CAPN11: variants seen among roughly 807,000 people sequenced by gnomAD.
The protein encoded by CAPN11 is calpain 11, also known as calpain-11.
In CAPN11, 108 loss-of-function variants were observed where a neutral mutation model predicts 105.3. The ratio of observed to expected loss-of-function variants is 1.03; its 90% CI spans 0.88 to 1.20. The LOEUF (loss-of-function observed/expected upper bound fraction) is 1.20, where lower values mean the gene tolerates loss of function less well. CAPN11 is among the 50% of genes most tolerant of loss of function. CAPN11 has a pLI of 0.00. For synonymous variants in CAPN11, 329 were observed against 344.5 expected, an observed-to-expected ratio of 0.96 and a Z score of 0.50; for missense variants, 883 against 924.8, an observed-to-expected ratio of 0.95 and a Z score of 0.59.
intron 2 of CAPN11, among the ~76,000 whole-genome samples, chr6:44,167,126 A>C (rs1770047854): frequency 6.6e-6 from 1 of 151,982 alleles, no homozygotes; most frequent in African/African-American, 2.4e-5. Flanking sequence ...CTCAGCCATT[A>C]TCTGACCCGG....
rs1371308307 is a variant in CAPN11, at chr6:44,180,577, TC to T, written c.1681-18del. 11 of 1,613,812 alleles carry T rather than the reference TC, an allele frequency of 6.8e-6. No homozygotes were observed. The East Asian group carries it at 1.6e-4, about 23-fold the overall frequency. Reference sequence around the variant, plus strand: ...AAGAAGTTTTCTGACCAGGTCCCTTTCCTGCTCCCCGGCCCCCAGGAAAAGG... The same window carrying T: ...AAGAAGTTTTCTGACCAGGTCCCTTTCTGCTCCCCGGCCCCCAGGAAAAGG... On this transcript the variant is annotated intron_variant, in intron 15 of 22. Transcript: ENST00000398776.
chr6:44,164,884 A>T (rs1769537320), intron 1 of CAPN11, among the ~76,000 whole-genome samples: 2 of 151,664 alleles, frequency 1.3e-5, no homozygotes, highest in East Asian at 3.9e-4. Context: ...GTTATGTTTT[A>T]TTTATTTATT....
chr6:44,173,317 C>A lies in CAPN11; in HGVS notation c.762C>A (p.Pro254=). The stretch of plus-strand genomic sequence containing the variant: ...CCCAGAGCTTCCAACTCCAGAGGCC[C>A]CCTCAGAACCTGCTCAGGCTCCTTA... ...GVAQSFQLQR[P]PQNLLRLLRK... is the part of the protein sequence containing the mutation. Residue 254 remains proline (P), a synonymous_variant, in exon 7 of 23, where the codon CCC becomes CCA. Transcript: ENST00000398776. 3 of 1,613,904 alleles carry A rather than the reference C, an allele frequency of 1.9e-6. No individual in the cohort carries two copies.
intron 1 of CAPN11, among the ~76,000 whole-genome samples, chr6:44,161,520 A>G (rs1234812361): frequency 1.3e-5 from 2 of 152,186 alleles, no homozygotes; most frequent in African/African-American, 2.4e-5. Context: ...TTCCATGACA[A>G]CTGTGGTGGT....
Position 44,180,104 on chromosome 6 carries a change from G to A in CAPN11, c.1581G>A (p.Glu527=), listed in dbSNP as rs775340460. 6.2e-7 allele frequency: 1 copy of A among 1,613,632 alleles called. No individual in the cohort carries two copies. The highest frequency in any genetic ancestry group is 1.7e-4 in the Middle Eastern group (1 of 6,030). The part of the protein sequence containing the change: ...GEYIIIPSTF[E]PHRDADFLLR... ...ATATCATTATTCCCTCCACCTTTGA[G>A]CCACACAGAGATGCTGACTTCCTGC... Residue 527 remains glutamate, a synonymous_variant, in exon 14 of 23, where the codon GAG becomes GAA. Transcript: ENST00000398776.
chr6:44,176,718 C>A, intron 10 of CAPN11, 63 bp downstream of exon 10: 2 of 1,560,346 alleles, frequency 1.3e-6, no homozygotes, highest in East Asian at 2.2e-5. Context: ...CATCTCCCTG[C>A]TCCGCTCCTC....
In CAPN11 at chr6:44,177,056, C is replaced by T. The variant is rs1003557857; in HGVS notation, c.1237+58C>T. The T allele has an allele frequency of 1.8e-4, 283 of 1,574,856 alleles. 3 individuals carry two copies. The South Asian group carries it at 2.8e-3, about 16-fold the overall frequency. On this transcript the variant is annotated intron_variant, in intron 11 of 22. Transcript: ENST00000398776. ...AGGGAGTGAAGGATGGGCCACGGCT[C>T]ACCACGAAACCAGACCTGGGGCACG...
In CAPN11 at chr6:44,169,260, CTCT is replaced by C; in HGVS notation, c.89-19_89-17del. 6.3e-7 allele frequency: 1 copy of C among 1,588,746 alleles called. No individual in the cohort carries two copies. Among genetic ancestry groups the C allele is most frequent in the Non-Finnish European group, 8.6e-7 (1 of 1,168,188 alleles). On this transcript the variant is annotated intron_variant, in intron 2 of 22. Coordinates refer to ENST00000398776, the MANE Select transcript of CAPN11 (RefSeq NM_007058.4). The stretch of plus-strand genomic sequence containing the variant: ...ATTACATTTTTTACTTGCGTTATTT[CTCT>C]TTTTTTTTCTTAAGCAGAGCCCACT...
At chr6:44,167,431 G>A (rs988393377) in intron 2 of CAPN11, among the ~76,000 whole-genome samples, 1 of 141,770 alleles carries the variant, frequency 7.1e-6, no homozygotes, top group Admixed American at 7.2e-5. Flanking sequence ...CTGGGAGGCA[G>A]AGGTTGCAGT....
chr6:44,168,710 C>T (rs910189035), intron 2 of CAPN11, among the ~76,000 whole-genome samples: 8 of 152,194 alleles, frequency 5.3e-5, no homozygotes, highest in Non-Finnish European at 1.2e-4. Flanking sequence ...ACCTCCGCCT[C>T]CTGGGTTCAA....
chr6:44,181,394 G>A, intron 19 of CAPN11, 74 bp downstream of exon 19: 1 of 1,181,376 alleles, frequency 8.5e-7, no homozygotes, highest in South Asian at 1.3e-5. Flanking sequence ...CTAATGAGGG[G>A]AAGCTAGAAC....
chr6:44,180,450 T>A lies in CAPN11; in HGVS notation c.1641-10T>A, dbSNP rs763185544. On this transcript the variant is annotated splice_polypyrimidine_tract_variant and intron_variant, in intron 14 of 22. Coordinates refer to ENST00000398776, the MANE Select transcript of CAPN11 (RefSeq NM_007058.4). ...CTGGTAACTCTTGAGCTTTCAATCATTTTGCCCAGGGAATTGGATGAAGTC... is the reference window on the plus strand; with the variant it reads ...CTGGTAACTCTTGAGCTTTCAATCAATTTGCCCAGGGAATTGGATGAAGTC... The A allele has an allele frequency of 5.0e-6, 8 of 1,611,230 alleles. No homozygotes were observed. Among genetic ancestry groups the A allele is most frequent in the Non-Finnish European group, 6.8e-6 (8 of 1,178,340 alleles).
intron 12 of CAPN11, 64 bp from the exon 13 acceptor site, chr6:44,179,555 T>C: frequency 6.8e-7 from 1 of 1,481,310 alleles, no homozygotes; most frequent in South Asian, 1.1e-5. Flanking sequence ...CCCACTTGGC[T>C]TCTGAAGGCC....
In CAPN11 at chr6:44,169,357, C is replaced by A. The variant is rs200531018; in HGVS notation, c.165C>A (p.His55Gln). The A allele has an allele frequency of 1.2e-6, 2 of 1,614,002 alleles. No individual in the cohort carries two copies. Among genetic ancestry groups the A allele is most frequent in the Admixed American group, 3.3e-5 (2 of 60,020 alleles). ...TCAAGGCCAAGGGCGTGGGCCAGCA[C>A]GACAACGCCCAGAACTTTGGTAACC... ...SRLKAKGVGQ[H>Q]DNAQNFGNQS... Residue 55 changes from histidine (H) to glutamine (Q), a missense_variant, in exon 3 of 23, where the codon CAC becomes CAA. Transcript: ENST00000398776.
chr6:44,178,144 G>T (rs1446171772), intron 12 of CAPN11, among the ~76,000 whole-genome samples: 5 of 152,124 alleles, frequency 3.3e-5, no homozygotes, highest in Non-Finnish European at 1.5e-5. Flanking sequence ...CATCCTTTGT[G>T]CCAGGCATTG....
chr6:44,179,855 T>A, intron 13 of CAPN11, 97 bp from the exon 14 acceptor site: 1 of 1,022,960 alleles, frequency 9.8e-7, no homozygotes, highest in Non-Finnish European at 1.5e-6. Context: ...TGGTGGCACC[T>A]ACCTCCAACC....
At chr6:44,181,508 A>G (rs1409598662) in intron 19 of CAPN11, among the ~76,000 whole-genome samples, 188 bp downstream of exon 19, 2 of 120,470 alleles carry the variant, frequency 1.7e-5, no homozygotes, top group African/African-American at 3.3e-5. Context: ...ACACACACAC[A>G]CTCACATACA....
intron 1 of CAPN11, among the ~76,000 whole-genome samples, chr6:44,164,383 A>G (rs1769439582): frequency 6.6e-6 from 1 of 152,178 alleles, no homozygotes; most frequent in Admixed American, 6.5e-5. Context: ...ACAATTAACC[A>G]CAATACCAAG....
At chr6:44,170,523 A>G (rs1426767843) in intron 4 of CAPN11, among the ~76,000 whole-genome samples, 1 of 152,164 alleles carries the variant, frequency 6.6e-6, no homozygotes, top group Non-Finnish European at 1.5e-5. Context: ...TTGAGTGTCC[A>G]CGCAACGTGG....
Sources: gnomAD v4.1 joint callset for allele counts (sites outside exome capture counted in the v4.1 genomes callset) on GRCh38, gnomAD v4.1.1 for gene constraint, MANE v1.5 for transcripts, NCBI Gene and HGNC (gene_info 2026-07-23, HGNC 2026-07-21) for gene names.